The following MIPEP variants were observed in gnomAD, a reference collection of about 807,000 sequenced individuals.
MIPEP encodes the protein mitochondrial intermediate peptidase.
MIPEP carries 79 observed loss-of-function variants against 90.3 expected under a neutral mutation model. The observed-to-expected ratio is 0.87, with a 90% CI of 0.73 to 1.05. The LOEUF is 1.05. Ranked by LOEUF, MIPEP falls within the 50% of genes least tolerant of loss-of-function variation. The pLI is 0.00. For missense variants in MIPEP, 940 were observed against 905.6 expected (o/e 1.04, Z -0.49); for synonymous variants, 334 against 315.8 (o/e 1.06, Z -0.61).
At chr13:23,782,750 G>A (rs370905864) in intron 16 of MIPEP, among the ~76,000 whole-genome samples, 8 of 151,936 alleles carry the variant, frequency 5.3e-5, no homozygotes, top group African/African-American at 1.5e-4. Context: ...TCAAATAGAC[G>A]CAATAAAAAA....
intron 12 of MIPEP, among the ~76,000 whole-genome samples, chr13:23,838,259 T>C (rs1310332137): frequency 6.6e-6 from 1 of 152,190 alleles, no homozygotes; most frequent in Non-Finnish European, 1.5e-5. Context: ...TCCTCCTGCT[T>C]TGGCCTACTG....
At chr13:23,798,730 T>C (rs1028051999) in intron 16 of MIPEP, among the ~76,000 whole-genome samples, 3 of 152,046 alleles carry the variant, frequency 2.0e-5, no homozygotes, top group Non-Finnish European at 4.4e-5. Flanking sequence ...CTACCCTCTC[T>C]CTCTCTTGCT....
At chr13:23,867,118 C>T (rs908097101) in intron 7 of MIPEP, among the ~76,000 whole-genome samples, 9 of 152,156 alleles carry the variant, frequency 5.9e-5, no homozygotes, top group Non-Finnish European at 1.2e-4. Context: ...AGCACTGACT[C>T]ACCATTAGCA....
At chr13:23,847,476 A>AAG (rs373155013) in intron 10 of MIPEP, among the ~76,000 whole-genome samples, 2 of 151,768 alleles carry the variant, frequency 1.3e-5, no homozygotes, top group East Asian at 3.9e-4. Context: ...AAAAAAAAAA[A>AAG]AAAACCCAAA....
At chr13:23,760,456 T>G (rs1368878430) in intron 16 of MIPEP, 1 of 698,108 alleles carries the variant, frequency 1.4e-6, no homozygotes, top group Non-Finnish European at 2.7e-6. Flanking sequence ...AGAATGTGAC[T>G]TATTAGGAGA....
intron 12 of MIPEP, 58 bp from the exon 13 acceptor site, chr13:23,837,814 AAC>A: frequency 7.4e-7 from 1 of 1,357,982 alleles, no homozygotes; most frequent in Admixed American, 1.7e-5. Flanking sequence ...TGAAGAGTAA[AAC>A]AGTCTTAATG....
rs1475483044 is a variant in MIPEP at position 23,749,902 on chromosome 13, C to T, written c.2044+6643G>A. On this transcript the variant is annotated intron_variant, in intron 18 of 18. Transcript: ENST00000382172. Reference sequence around the variant, plus strand: ...CCCTGCCCGACCTGACGCCCACTTACCTTCCAGCCTCATTTTGTGCCTAAT... The same window carrying T: ...CCCTGCCCGACCTGACGCCCACTTATCTTCCAGCCTCATTTTGTGCCTAAT... Among the ~76,000 whole-genome samples, 9 of 152,232 alleles carry T rather than the reference C, an allele frequency of 5.9e-5. No individual in the cohort carries two copies. The South Asian group carries it at 1.5e-3, about 25-fold the overall frequency.
intron 16 of MIPEP, among the ~76,000 whole-genome samples, chr13:23,774,274 A>G (rs909238780): frequency 3.3e-5 from 5 of 151,268 alleles, no homozygotes; most frequent in Non-Finnish European, 7.4e-5. Context: ...CTGTATGTTT[A>G]TCCTTATGCC....
At chr13:23,823,691 T>C (rs975374925) in intron 14 of MIPEP, among the ~76,000 whole-genome samples, 1 of 152,170 alleles carries the variant, frequency 6.6e-6, no homozygotes, top group Non-Finnish European at 1.5e-5. Flanking sequence ...TAGCTGGGCA[T>C]GATAACAGGC....
chr13:23,757,670 G>A (rs576469831), intron 17 of MIPEP, among the ~76,000 whole-genome samples: 3 of 152,216 alleles, frequency 2.0e-5, no homozygotes, highest in East Asian at 1.9e-4. Context: ...TGGAGTGTGC[G>A]GGTGATAAAG....
At chr13:23,738,567 C>T (rs957445259) in intron 18 of MIPEP, among the ~76,000 whole-genome samples, 4 of 151,644 alleles carry the variant, frequency 2.6e-5, no homozygotes, top group Admixed American at 6.6e-5. Flanking sequence ...CTTCCACCTC[C>T]GCCTTCCTCA....
At chr13:23,884,253 G>A (rs1382330659) in intron 2 of MIPEP, among the ~76,000 whole-genome samples, 1 of 150,130 alleles carries the variant, frequency 6.7e-6, no homozygotes, top group African/African-American at 2.5e-5. Flanking sequence ...GATTTTTGGG[G>A]GTGGATGGAA....
chr13:23,864,248 G>T, intron 7 of MIPEP, 59 bp from the exon 8 acceptor site: 2 of 1,161,278 alleles, frequency 1.7e-6, no homozygotes, highest in Non-Finnish European at 2.5e-6. Flanking sequence ...GAACATATCT[G>T]TTAAAATTAT....
chr13:23,856,707 G>A (rs1391302729), intron 10 of MIPEP, among the ~76,000 whole-genome samples: 1 of 152,046 alleles, frequency 6.6e-6, no homozygotes, highest in Non-Finnish European at 1.5e-5. Flanking sequence ...ACTTCATTCT[G>A]TTTGGACCAG....
intron 18 of MIPEP, among the ~76,000 whole-genome samples, chr13:23,734,055 T>C (rs1258871969): frequency 6.6e-6 from 1 of 152,210 alleles, no homozygotes; most frequent in Non-Finnish European, 1.5e-5. Flanking sequence ...ATTACTTAAG[T>C]AGACTGAATC....
At chr13:23,852,009 C>T (rs985971729) in intron 10 of MIPEP, among the ~76,000 whole-genome samples, 2 of 152,116 alleles carry the variant, frequency 1.3e-5, no homozygotes, top group Non-Finnish European at 2.9e-5. Flanking sequence ...TGAAATGATG[C>T]CACAAGGAAG....
At chr13:23,840,141 G>C (rs1869230944) in intron 11 of MIPEP, among the ~76,000 whole-genome samples, 1 of 152,130 alleles carries the variant, frequency 6.6e-6, no homozygotes, top group Non-Finnish European at 1.5e-5. Flanking sequence ...CCACAATGCA[G>C]CTCCCAGCTT....
chr13:23,814,297 C>A (rs974139171), intron 14 of MIPEP, among the ~76,000 whole-genome samples: 1 of 152,132 alleles, frequency 6.6e-6, no homozygotes, highest in Non-Finnish European at 1.5e-5. Flanking sequence ...CGCTCTGTTG[C>A]CCAGGCTGGA....
intron 1 of MIPEP, 137 bp downstream of exon 1, chr13:23,888,995 A>C (rs559012685): frequency 1.2e-6 from 1 of 820,406 alleles, no homozygotes. Flanking sequence ...AGCGCACACA[A>C]GACGCCACTG....
Sources: gnomAD v4.1 joint callset for allele counts (sites outside exome capture counted in the v4.1 genomes callset) on GRCh38, gnomAD v4.1.1 for gene constraint, MANE v1.5 for transcripts, NCBI Gene and HGNC (gene_info 2026-07-23, HGNC 2026-07-21) for gene names.